The following TNFRSF13B variants were observed in gnomAD, a reference collection of about 807,000 sequenced individuals.
TNFRSF13B encodes the protein TNF receptor superfamily member 13B, also known as tumor necrosis factor receptor superfamily member 13B.
Under a neutral mutation model 24.0 loss-of-function variants are expected in TNFRSF13B, and 34 were observed. The observed-to-expected ratio is 1.41, with a 90% CI of 1.08 to 1.88. The LOEUF (loss-of-function observed/expected upper bound fraction) is 1.88. Ranked by LOEUF, TNFRSF13B falls within the 40% of genes most tolerant of loss-of-function variation. The probability of loss-of-function intolerance (pLI) is 0.00; values close to 1 mark genes in which losing one functional copy is unlikely to be tolerated. For synonymous variants in TNFRSF13B, 173 were observed against 150.3 expected, an observed-to-expected ratio of 1.15 and a Z score of -1.10; for missense variants, 415 against 380.8, an observed-to-expected ratio of 1.09 and a Z score of -0.75.
chr17:16,939,571 G>T lies in TNFRSF13B; in HGVS notation c.858C>A (p.Ala286=). The T allele has an allele frequency of 6.2e-7, 1 of 1,612,898 alleles. No homozygotes were observed. Among genetic ancestry groups the T allele is most frequent in the Non-Finnish European group, 8.5e-7 (1 of 1,179,532 alleles). ...DSGLGIVCVP[A]QEGGPGA Reference sequence around the variant, plus strand: ...TTTATGCACCTGGGCCCCCCTCCTGGGCAGGCACACACACAATGCCAAGGC... The same window carrying T: ...TTTATGCACCTGGGCCCCCCTCCTGTGCAGGCACACACACAATGCCAAGGC... Residue 286 remains alanine, a synonymous_variant, in exon 5 of 5, where the codon GCC becomes GCA. Coordinates refer to ENST00000261652, the MANE Select transcript of TNFRSF13B (RefSeq NM_012452.3).
intron 1 of TNFRSF13B, among the ~76,000 whole-genome samples, chr17:16,958,211 A>G (rs930636855): frequency 2.0e-5 from 3 of 152,140 alleles, no homozygotes; most frequent in Non-Finnish European, 4.4e-5. Flanking sequence ...GTAATCCCCA[A>G]GAAAATAACT....
At chr17:16,962,081 G>A (rs1464139026) in intron 1 of TNFRSF13B, among the ~76,000 whole-genome samples, 1 of 152,212 alleles carries the variant, frequency 6.6e-6, no homozygotes, top group East Asian at 1.9e-4. Context: ...TGTCACCAGT[G>A]AAAATACAGA....
At chr17:16,962,850 C>G (rs4985735) in intron 1 of TNFRSF13B, among the ~76,000 whole-genome samples, 2 of 151,794 alleles carry the variant, frequency 1.3e-5, no homozygotes, top group Non-Finnish European at 2.9e-5. Flanking sequence ...CCTCCTTCAC[C>G]GGGGGCCGGG....
intron 1 of TNFRSF13B, among the ~76,000 whole-genome samples, chr17:16,961,134 A>G (rs1341313397): frequency 1.3e-5 from 2 of 152,246 alleles, no homozygotes; most frequent in African/African-American, 4.8e-5. Flanking sequence ...GTGGATGTGA[A>G]GGCACTGCTC....
At chr17:16,943,028 A>T (rs2087522912) in intron 3 of TNFRSF13B, among the ~76,000 whole-genome samples, 1 of 152,226 alleles carries the variant, frequency 6.6e-6, no homozygotes, top group Non-Finnish European at 1.5e-5. Context: ...GGAGAGGGGC[A>T]AGCCCTGAGA....
chr17:16,964,436 G>A (rs1374194618), intron 1 of TNFRSF13B, among the ~76,000 whole-genome samples: 1 of 144,222 alleles, frequency 6.9e-6, no homozygotes, highest in East Asian at 2.1e-4. Flanking sequence ...TCTGCCTTCC[G>A]AGTTCAAGCA....
At chr17:16,951,139 G>C (rs1039406083) in intron 2 of TNFRSF13B, among the ~76,000 whole-genome samples, 7 of 152,186 alleles carry the variant, frequency 4.6e-5, no homozygotes, top group African/African-American at 1.7e-4. Flanking sequence ...TTTAGGAGTC[G>C]GAGTCCTGGG....
chr17:16,941,164 G>C, intron 3 of TNFRSF13B: 1 of 941,856 alleles, frequency 1.1e-6, no homozygotes, highest in Non-Finnish European at 1.3e-6. Flanking sequence ...GTTCAGTACA[G>C]ATGCAACTAT....
At chr17:16,947,688 T>C (rs188072547) in intron 3 of TNFRSF13B, among the ~76,000 whole-genome samples, 3 of 152,056 alleles carry the variant, frequency 2.0e-5, no homozygotes, top group East Asian at 3.9e-4. Context: ...TGTTAGAAAG[T>C]AAAAAAACAA....
At chr17:16,946,902 T>A (rs1367904356) in intron 3 of TNFRSF13B, among the ~76,000 whole-genome samples, 1 of 137,278 alleles carries the variant, frequency 7.3e-6, no homozygotes, top group African/African-American at 2.8e-5. Flanking sequence ...CTTTTTACAA[T>A]TTTTTTTCCC....
chr17:16,952,878 C>T lies in TNFRSF13B; in HGVS notation c.62-295G>A, dbSNP rs543699213. 5.3e-5 allele frequency among the ~76,000 whole-genome samples: 8 copies of T among 152,284 alleles called. No individual in the cohort carries two copies. The South Asian group carries it at 1.0e-3, about 20-fold the overall frequency. ...GGGCCCTGTTCCCTGCCCTCCTTAA[C>T]GTGCCACGCCTCTCCCTGCCACAGG... On this transcript the variant is annotated intron_variant, in intron 1 of 4. Coordinates refer to ENST00000261652, the MANE Select transcript of TNFRSF13B (RefSeq NM_012452.3).
chr17:16,948,703 C>T (rs201471491), intron 3 of TNFRSF13B, 35 bp downstream of exon 3: 36 of 1,612,662 alleles, frequency 2.2e-5, no homozygotes, highest in South Asian at 6.6e-5. Context: ...TCTCACCCTG[C>T]GTGACACCAT....
intron 3 of TNFRSF13B, among the ~76,000 whole-genome samples, chr17:16,946,530 A>C (rs2087548951): frequency 6.6e-6 from 1 of 151,514 alleles, no homozygotes; most frequent in African/African-American, 2.4e-5. Context: ...TCCAGCCATA[A>C]GTTTTTTCAT....
chr17:16,953,315 C>T (rs572374016), intron 1 of TNFRSF13B, among the ~76,000 whole-genome samples: 2 of 152,338 alleles, frequency 1.3e-5, no homozygotes, highest in African/African-American at 4.8e-5. Context: ...TGTCAATTTC[C>T]TTCTTGTTTT....
At chr17:16,950,308 A>G (rs938797747) in intron 2 of TNFRSF13B, among the ~76,000 whole-genome samples, 5 of 152,326 alleles carry the variant, frequency 3.3e-5, no homozygotes, top group Admixed American at 2.0e-4. Flanking sequence ...TAGGGAAAAT[A>G]ACAGTACTGA....
intron 2 of TNFRSF13B, among the ~76,000 whole-genome samples, chr17:16,950,836 C>G (rs2087583586): frequency 6.6e-6 from 1 of 152,140 alleles, no homozygotes; most frequent in Non-Finnish European, 1.5e-5. Context: ...CTCATAGTGC[C>G]CTTTCTTCCA....
intron 1 of TNFRSF13B, among the ~76,000 whole-genome samples, 180 bp from the exon 2 acceptor site, chr17:16,952,763 G>A (rs1057269399): frequency 6.6e-6 from 1 of 152,200 alleles, no homozygotes; most frequent in Non-Finnish European, 1.5e-5. Context: ...GGGGCCTGGG[G>A]CAGCCACCTC....
intron 3 of TNFRSF13B, chr17:16,941,206 T>C: frequency 2.0e-6 from 2 of 984,384 alleles, no homozygotes; most frequent in Non-Finnish European, 2.4e-6. Flanking sequence ...TTCCAGCTGC[T>C]GTTGGTTGAA....
chr17:16,942,381 A>T (rs1389802376), intron 3 of TNFRSF13B, among the ~76,000 whole-genome samples: 1 of 152,188 alleles, frequency 6.6e-6, no homozygotes, highest in East Asian at 1.9e-4. Context: ...CAGGAATCTC[A>T]TAAAGTGACA....
Sources: allele counts gnomAD v4.1 joint callset (sites outside exome capture counted in the v4.1 genomes callset), GRCh38; gene constraint gnomAD v4.1.1; transcripts MANE v1.5; gene names NCBI Gene and HGNC (gene_info 2026-07-23, HGNC 2026-07-21).